UACA: variants seen among roughly 807,000 people sequenced by gnomAD.
UACA encodes the protein nuclear membrane binding protein.
Under a neutral mutation model 160.5 loss-of-function variants are expected in UACA, and 112 were observed. That is an observed-to-expected ratio of 0.70 (90% confidence interval 0.60 to 0.82). The LOEUF (loss-of-function observed/expected upper bound fraction) is 0.82. UACA is among the 40% of genes least tolerant of loss of function. The pLI, the probability that UACA is intolerant of heterozygous loss-of-function variation, is 0.00. For synonymous variants in UACA, 557 were observed against 568.4 expected, an observed-to-expected ratio of 0.98 and a Z score of 0.29; for missense variants, 1,574 against 1,614.6, an observed-to-expected ratio of 0.97 and a Z score of 0.43.
intron 7 of UACA, among the ~76,000 whole-genome samples, chr15:70,686,527 A>G (rs1473017843): frequency 2.1e-5 from 3 of 140,304 alleles, no homozygotes; most frequent in Non-Finnish European, 3.0e-5. Context: ...GTTTTAGGGT[A>G]CATGTGCACA....
At chr15:70,748,565 T>C (rs1899781819) in intron 1 of UACA, among the ~76,000 whole-genome samples, 1 of 152,172 alleles carries the variant, frequency 6.6e-6, no homozygotes, top group South Asian at 2.1e-4. Context: ...GTGCAGGTCC[T>C]TGCATACAGC....
At chr15:70,723,838 T>C (rs1421218921) in intron 1 of UACA, among the ~76,000 whole-genome samples, 2 of 152,108 alleles carry the variant, frequency 1.3e-5, no homozygotes, top group African/African-American at 4.8e-5. Context: ...TTCATCATGT[T>C]GGCCAGGATG....
chr15:70,657,447 G>A (rs1258978419), intron 18 of UACA, among the ~76,000 whole-genome samples: 3 of 151,846 alleles, frequency 2.0e-5, no homozygotes, highest in African/African-American at 7.3e-5. Flanking sequence ...CCCATCTCTG[G>A]TAAAAATATA....
At chr15:70,736,639 CCAT>C (rs1899376932) in intron 1 of UACA, among the ~76,000 whole-genome samples, 1 of 152,062 alleles carries the variant, frequency 6.6e-6, no homozygotes, top group East Asian at 1.9e-4. Context: ...GGGGCTTTCA[CCAT>C]GTTGGCCAGG....
chr15:70,727,472 G>A (rs1427768986), intron 1 of UACA, among the ~76,000 whole-genome samples: 2 of 151,930 alleles, frequency 1.3e-5, no homozygotes, highest in Non-Finnish European at 2.9e-5. Context: ...AAAATAAGAA[G>A]CACTTTAAAA....
At chr15:70,680,216 T>C (rs975453121) in intron 9 of UACA, among the ~76,000 whole-genome samples, 1 of 152,196 alleles carries the variant, frequency 6.6e-6, no homozygotes, top group Non-Finnish European at 1.5e-5. Flanking sequence ...GTTGGGTGTA[T>C]GTTCTGTTTT....
intron 1 of UACA, among the ~76,000 whole-genome samples, chr15:70,714,990 T>C (rs1898784264): frequency 6.6e-6 from 1 of 152,244 alleles, no homozygotes; most frequent in Admixed American, 6.5e-5. Context: ...GAACAAATTA[T>C]AATGTGTATC....
chr15:70,741,669 A>T (rs1243543640), intron 1 of UACA, among the ~76,000 whole-genome samples: 2 of 152,348 alleles, frequency 1.3e-5, no homozygotes, highest in Admixed American at 6.5e-5. Context: ...AATCAATGTT[A>T]TTACTCATGA....
chr15:70,755,774 T>C (rs1458516781), intron 1 of UACA, among the ~76,000 whole-genome samples: 2 of 152,164 alleles, frequency 1.3e-5, no homozygotes, highest in African/African-American at 4.8e-5. Flanking sequence ...TATTTGAAGA[T>C]TTGTCTATGC....
the UACA span, chr15:70,778,697 C>A: frequency 1.3e-5 from 2 of 152,212 alleles, no homozygotes; most frequent in African/African-American, 2.4e-5. Flanking sequence ...CTGGGGATTA[C>A]AACATGGACA....
intron 1 of UACA, among the ~76,000 whole-genome samples, chr15:70,718,315 A>T (rs981535288): frequency 8.1e-6 from 1 of 124,062 alleles, no homozygotes; most frequent in African/African-American, 3.1e-5. Flanking sequence ...AGAGGGAGAG[A>T]GAGAGAGAAT....
chr15:70,694,732 T>C lies in UACA; in HGVS notation c.301+285A>G, dbSNP rs149542113. Among the ~76,000 whole-genome samples, 45 of 152,242 alleles carry C rather than the reference T, an allele frequency of 3.0e-4. 1 individual carries two copies. In the East Asian group the frequency reaches 7.9e-3, roughly 27 times the overall value. Reference sequence around the variant, plus strand: ...CAACCAAATGCCAAATGGTCCCTAATGGTTCTTCAAAATCTGAGATTCTAG... The same window carrying C: ...CAACCAAATGCCAAATGGTCCCTAACGGTTCTTCAAAATCTGAGATTCTAG... On this transcript the variant is annotated intron_variant, in intron 3 of 18. Transcript: ENST00000322954.
chr15:70,705,033 G>A (rs563243584), intron 1 of UACA, among the ~76,000 whole-genome samples: 16 of 152,308 alleles, frequency 1.1e-4, no homozygotes, highest in Admixed American at 3.3e-4. Context: ...ATGAGTGGTT[G>A]AAGTATGTGA....
chr15:70,718,291 G>C lies in UACA; in HGVS notation c.79-18631C>G, dbSNP rs181922880. 5.2e-3 allele frequency among the ~76,000 whole-genome samples: 732 copies of C among 141,076 alleles called. 3 individuals carry two copies. Among genetic ancestry groups the C allele is most frequent in the Non-Finnish European group, 8.2e-3 (529 of 64,450 alleles). 92.6% of individuals were successfully genotyped at this position (141,076 alleles called of 152,430 possible). ...GGAGGAGGGGGAGAGAGGGAGAGAGGAAGGGAGAGAGGGAGAGGGAGAGAG... is the reference window on the plus strand; with the variant it reads ...GGAGGAGGGGGAGAGAGGGAGAGAGCAAGGGAGAGAGGGAGAGGGAGAGAG... On this transcript the variant is annotated intron_variant, in intron 1 of 18. Coordinates refer to ENST00000322954, the MANE Select transcript of UACA (RefSeq NM_018003.4).
At chr15:70,677,462 T>C (rs1294903523) in intron 11 of UACA, among the ~76,000 whole-genome samples, 2 of 152,200 alleles carry the variant, frequency 1.3e-5, no homozygotes, top group Non-Finnish European at 1.5e-5. Context: ...TTTGCATATG[T>C]TCAATTTTAG....
At chr15:70,767,250 A>AAC (rs2077976008), upstream of UACA, among the ~76,000 whole-genome samples, 2 of 142,874 alleles carry the variant, frequency 1.4e-5, no homozygotes, top group South Asian at 4.2e-4. Context: ...AAAAAAAAAA[A>AAC]AAAAAACAAA....
rs1897021327 is a variant in UACA, at chr15:70,668,598, GTT to G, written c.2084_2085del (p.Glu695AlafsTer12). 2 of 1,613,524 alleles carry G rather than the reference GTT, an allele frequency of 1.2e-6. No individual in the cohort carries two copies. The highest frequency in any genetic ancestry group is 2.7e-5 in the African/African-American group (2 of 74,912). ...TTCTTCCCAAGTTCTCCTGATTTCT[GTT>G]CTAATCTGCTCTTAACCTGTTCATG... ...EEHEQVKSRLEQKSGELGKKI... is the reference protein window; with the variant it reads ...EEHEQVKSRLXQKSGELGKKI... On this transcript the variant is annotated frameshift_variant, in exon 16 of 19. Coordinates refer to ENST00000322954, the MANE Select transcript of UACA (RefSeq NM_018003.4). LOFTEE classifies it high-confidence loss of function.
rs1369847884 is a variant in UACA, at chr15:70,703,096, G to A, written c.79-3436C>T. On this transcript the variant is annotated intron_variant, in intron 1 of 18. Transcript: ENST00000322954. Reference sequence around the variant, plus strand: ...TGGGGACAAAGCAGATAACTTCTCTGCATTCTCTACGATAGCATACTTGTA... The same window carrying A: ...TGGGGACAAAGCAGATAACTTCTCTACATTCTCTACGATAGCATACTTGTA... 5.4e-6 allele frequency: 7 copies of A among 1,288,264 alleles called. No individual in the cohort carries two copies. The African/African-American group carries it at 1.1e-4, about 20-fold the overall frequency. The allele number at this position is 1,288,264 out of a possible 1,614,324, so 79.8% of individuals were successfully genotyped here.
At chr15:70,666,614 G>T (rs950271617) in intron 16 of UACA, 110 bp downstream of exon 16, 1 of 879,972 alleles carries the variant, frequency 1.1e-6, no homozygotes, top group Non-Finnish European at 1.6e-6. Context: ...TGCTAAACTG[G>T]AAAGGGTCAC....
Sources: gnomAD v4.1 joint callset for allele counts (sites outside exome capture counted in the v4.1 genomes callset) on GRCh38, gnomAD v4.1.1 for gene constraint, MANE v1.5 for transcripts, NCBI Gene and HGNC (gene_info 2026-07-23, HGNC 2026-07-21) for gene names.